Variants in CTNNA2 observed in about 807,000 individuals in gnomAD.
CTNNA2 encodes catenin alpha-2.
CTNNA2 carries 42 observed loss-of-function variants against 101.0 expected under a neutral mutation model. That is an observed-to-expected ratio of 0.42 (90% CI 0.32 to 0.54). The LOEUF (loss-of-function observed/expected upper bound fraction) is 0.54, where lower values mean the gene tolerates loss of function less well. CTNNA2 is among the 20% of genes least tolerant of loss of function. CTNNA2 has a pLI of 0.14. For missense variants in CTNNA2, 871 were observed against 1,223.1 expected (o/e 0.71, Z 4.29); for synonymous variants, 450 against 456.4 (o/e 0.99, Z 0.18).
chr2:79,493,859 C>G (rs1238794818), intron 4 of CTNNA2: 2 of 152,058 alleles, frequency 1.3e-5, no homozygotes, highest in Admixed American at 1.3e-4. Flanking sequence ...ATTCCTTGTT[C>G]CTTCAGTCTT....
intron 7 of CTNNA2, among the ~76,000 whole-genome samples, chr2:79,991,570 G>A (rs1342067761): frequency 1.3e-5 from 2 of 152,168 alleles, no homozygotes; most frequent in South Asian, 2.1e-4. Flanking sequence ...TACAGTAAAC[G>A]TAGTGCTCGG....
intron 7 of CTNNA2, among the ~76,000 whole-genome samples, chr2:80,044,985 C>G (rs1232956198): frequency 6.6e-6 from 1 of 152,134 alleles, no homozygotes; most frequent in East Asian, 1.9e-4. Context: ...GCTGGGCACC[C>G]AAGATGGCTT....
At chr2:79,718,661 G>T (rs768737061) in intron 2 of CTNNA2, among the ~76,000 whole-genome samples, 1 of 152,128 alleles carries the variant, frequency 6.6e-6, no homozygotes, top group Non-Finnish European at 1.5e-5. Flanking sequence ...ATAAAAAATA[G>T]ATTAAGACCG....
chr2:80,580,103 A>C (rs1471598328), intron 13 of CTNNA2, among the ~76,000 whole-genome samples: 3 of 152,226 alleles, frequency 2.0e-5, no homozygotes, highest in African/African-American at 7.2e-5. Context: ...AGAGCAAGCT[A>C]TAACGTCTCA....
intron 9 of CTNNA2, among the ~76,000 whole-genome samples, chr2:80,510,202 T>A (rs1054294426): frequency 1.3e-5 from 2 of 152,176 alleles, no homozygotes; most frequent in Admixed American, 1.3e-4. Context: ...GCCTAGTCGC[T>A]CATTGATTTT....
intron 3 of CTNNA2, among the ~76,000 whole-genome samples, chr2:79,318,310 T>G (rs1273038650): frequency 6.6e-6 from 1 of 152,112 alleles, no homozygotes; most frequent in Non-Finnish European, 1.5e-5. Context: ...AATTCAAATG[T>G]AATCCAGTCA....
At chr2:80,626,500 C>T (rs1671697460) in intron 18 of CTNNA2, among the ~76,000 whole-genome samples, 1 of 152,048 alleles carries the variant, frequency 6.6e-6, no homozygotes, top group African/African-American at 2.4e-5. Flanking sequence ...CATCACCATA[C>T]ATATGGTTTG....
At chr2:79,646,779 G>A (rs1018188567) in intron 1 of CTNNA2, among the ~76,000 whole-genome samples, 1 of 152,014 alleles carries the variant, frequency 6.6e-6, no homozygotes, top group African/African-American at 2.4e-5. Context: ...TCCACTCACT[G>A]TGGCCTCCCA....
intron 7 of CTNNA2, among the ~76,000 whole-genome samples, chr2:80,051,902 G>A (rs752288141): frequency 5.3e-5 from 8 of 152,130 alleles, no homozygotes; most frequent in East Asian, 3.9e-4. Flanking sequence ...AAGTACTCTC[G>A]TCATTTTCTT....
At chr2:79,577,863 T>C (rs140615365) in intron 1 of CTNNA2, among the ~76,000 whole-genome samples, 420 of 152,270 alleles carry the variant, frequency 2.8e-3, no homozygotes, top group Non-Finnish European at 5.4e-3. Flanking sequence ...ATTCCCTATG[T>C]TTAGGAAGAA....
chr2:79,289,845 A>G (rs1185255155), intron 2 of CTNNA2, among the ~76,000 whole-genome samples: 1 of 152,212 alleles, frequency 6.6e-6, no homozygotes, highest in Non-Finnish European at 1.5e-5. Flanking sequence ...ATTACATCCA[A>G]TATAATACTT....
chr2:79,652,317 T>C (rs1681317397), intron 2 of CTNNA2, among the ~76,000 whole-genome samples: 1 of 152,140 alleles, frequency 6.6e-6, no homozygotes, highest in South Asian at 2.1e-4. Context: ...CCTATCTACT[T>C]AGTGGCTTGA....
intron 2 of CTNNA2, among the ~76,000 whole-genome samples, chr2:79,735,489 A>G (rs138008175): frequency 2.8e-4 from 43 of 152,234 alleles, no homozygotes; most frequent in African/African-American, 8.4e-4. Context: ...ATGACTGGCC[A>G]TTCATATTGG....
intron 7 of CTNNA2, among the ~76,000 whole-genome samples, chr2:80,314,861 T>C (rs1677951002): frequency 6.6e-6 from 1 of 152,236 alleles, no homozygotes; most frequent in Non-Finnish European, 1.5e-5. Context: ...GAGGCAAATC[T>C]ATATTTGCAT....
chr2:79,749,356 A>C (rs1671854863), intron 3 of CTNNA2, among the ~76,000 whole-genome samples: 1 of 152,208 alleles, frequency 6.6e-6, no homozygotes, highest in Non-Finnish European at 1.5e-5. Flanking sequence ...ATTTAAAAGA[A>C]GTAACAAAAA....
intron 1 of CTNNA2, among the ~76,000 whole-genome samples, chr2:79,614,829 G>C (rs531170781): frequency 1.3e-4 from 20 of 152,230 alleles, no homozygotes; most frequent in African/African-American, 4.8e-4. Context: ...TACCAGTTTA[G>C]AAAAATATCT....
intron 4 of CTNNA2, among the ~76,000 whole-genome samples, chr2:79,484,874 C>T (rs950868478): frequency 1.3e-5 from 2 of 152,136 alleles, no homozygotes; most frequent in African/African-American, 4.8e-5. Context: ...TGTGATTTCT[C>T]CTAATGAGGA....
chr2:80,330,355 A>G (rs574368633), intron 7 of CTNNA2, among the ~76,000 whole-genome samples: 72 of 152,366 alleles, frequency 4.7e-4, no homozygotes, highest in African/African-American at 1.6e-3. Flanking sequence ...ATGCCCACAG[A>G]TAACTTGTAC....
At chr2:79,464,845 G>A (rs1670916574) in intron 4 of CTNNA2, among the ~76,000 whole-genome samples, 3 of 149,566 alleles carry the variant, frequency 2.0e-5, no homozygotes, top group Admixed American at 2.0e-4. Context: ...TTTTTTTCTT[G>A]CAAGTTTGTT....
Sources: allele counts gnomAD v4.1 joint callset (sites outside exome capture counted in the v4.1 genomes callset), GRCh38; gene constraint gnomAD v4.1.1; transcripts MANE v1.5; gene names NCBI Gene and HGNC (gene_info 2026-07-23, HGNC 2026-07-21).